CCDC178: variants seen among roughly 807,000 people sequenced by gnomAD.
The protein encoded by CCDC178 is coiled-coil domain-containing protein 178.
Under a neutral mutation model 117.4 loss-of-function variants are expected in CCDC178, and 126 were observed. That is an observed-to-expected ratio of 1.07 (90% CI 0.93 to 1.24). The LOEUF is 1.24. CCDC178 is among the 50% of genes most tolerant of loss of function. The pLI is 0.00. For missense variants in CCDC178, 1,030 were observed against 986.9 expected, an observed-to-expected ratio of 1.04 and a Z score of -0.59; for synonymous variants, 283 against 313.4, an observed-to-expected ratio of 0.90 and a Z score of 1.02.
chr18:33,134,154 T>G (rs1278123806), intron 20 of CCDC178, among the ~76,000 whole-genome samples: 1 of 151,974 alleles, frequency 6.6e-6, no homozygotes, highest in Non-Finnish European at 1.5e-5. Context: ...TATAATAATT[T>G]TAGGTCTCCA....
chr18:33,214,764 G>A (rs1157798705), intron 19 of CCDC178, among the ~76,000 whole-genome samples: 4 of 151,942 alleles, frequency 2.6e-5, no homozygotes, highest in African/African-American at 4.8e-5. Flanking sequence ...CTTGATGGGG[G>A]CATTGACTTG....
chr18:33,298,111 C>T (rs2062129545), intron 11 of CCDC178, among the ~76,000 whole-genome samples: 1 of 151,866 alleles, frequency 6.6e-6, no homozygotes, highest in Non-Finnish European at 1.5e-5. Flanking sequence ...AAGGAACTCT[C>T]CCTAACTCAT....
Position 33,127,636 on chromosome 18 carries a change from A to C in CCDC178, c.2239-34726T>G, listed in dbSNP as rs565913588. ...ATTTTAGTAGAGACGGGGTTTCACCATCTTGGCCAGGCTGGTCTTGAACTC... is the reference window on the plus strand; with the variant it reads ...ATTTTAGTAGAGACGGGGTTTCACCCTCTTGGCCAGGCTGGTCTTGAACTC... On this transcript the variant is annotated intron_variant, in intron 20 of 22. Transcript: ENST00000383096. Among the ~76,000 whole-genome samples, 189 of 152,004 alleles carry C rather than the reference A, an allele frequency of 1.2e-3. 1 individual carries two copies. The highest frequency in any genetic ancestry group is 4.2e-3 in the African/African-American group (175 of 41,470).
chr18:33,410,160 T>C (rs530701964), intron 3 of CCDC178, among the ~76,000 whole-genome samples: 3 of 152,314 alleles, frequency 2.0e-5, no homozygotes, highest in African/African-American at 7.2e-5. Context: ...TGTCAAGTCA[T>C]TCAAAGGAAA....
chr18:33,193,067 G>A (rs1186189714), intron 20 of CCDC178, among the ~76,000 whole-genome samples: 1 of 150,550 alleles, frequency 6.6e-6, no homozygotes, highest in Non-Finnish European at 1.5e-5. Context: ...AGACCATCTT[G>A]GCTTACACGG....
intron 2 of CCDC178, among the ~76,000 whole-genome samples, chr18:33,425,219 C>A (rs779470278): frequency 1.3e-5 from 2 of 152,066 alleles, no homozygotes; most frequent in African/African-American, 2.4e-5. Context: ...AGGCAGCAAA[C>A]AGGAAACAGA....
In CCDC178 at chr18:33,333,896, C is replaced by T. The variant is rs1266361929; in HGVS notation, c.659-502G>A. ...ATCAAAAGGATTAAAATATATGTTT[C>T]ATAAGATAATAGTTATTTTAGTACA... On this transcript the variant is annotated intron_variant, in intron 9 of 22. Transcript: ENST00000383096. Among the ~76,000 whole-genome samples the T allele has an allele frequency of 2.6e-5, 4 of 152,094 alleles. No homozygotes were observed. In the East Asian group the frequency reaches 7.7e-4, roughly 29 times the overall value.
At chr18:33,167,989 C>T (rs2144410018) in intron 20 of CCDC178, among the ~76,000 whole-genome samples, 1 of 151,742 alleles carries the variant, frequency 6.6e-6, no homozygotes, top group Non-Finnish European at 1.5e-5. Context: ...GATATTAGAC[C>T]TTTGTTGGAT....
At chr18:33,379,850 G>A (rs1174299371) in intron 5 of CCDC178, among the ~76,000 whole-genome samples, 1 of 152,168 alleles carries the variant, frequency 6.6e-6, no homozygotes, top group Non-Finnish European at 1.5e-5. Context: ...TATGTGCAGA[G>A]TAGTGAGAGC....
chr18:33,392,576 C>T (rs1453055133), intron 4 of CCDC178, among the ~76,000 whole-genome samples: 1 of 152,092 alleles, frequency 6.6e-6, no homozygotes, highest in Non-Finnish European at 1.5e-5. Flanking sequence ...TTGTGTAAGT[C>T]AGATACTGAC....
chr18:33,275,278 A>T (rs1461449280), intron 12 of CCDC178, among the ~76,000 whole-genome samples: 2 of 151,958 alleles, frequency 1.3e-5, no homozygotes, highest in South Asian at 4.1e-4. Context: ...ATATGTATAC[A>T]TATGTTTTAG....
chr18:33,243,905 TATATTG>T (rs1268594828), intron 15 of CCDC178, among the ~76,000 whole-genome samples: 1 of 151,920 alleles, frequency 6.6e-6, no homozygotes, highest in Non-Finnish European at 1.5e-5. Flanking sequence ...AATACAGAAA[TATATTG>T]ATATTATTTT....
At chr18:33,085,943 G>A (rs188909706) in intron 21 of CCDC178, among the ~76,000 whole-genome samples, 217 of 152,062 alleles carry the variant, frequency 1.4e-3, no homozygotes, top group African/African-American at 5.0e-3. Context: ...TTAAAAATGA[G>A]TTTTTCCAAA....
chr18:33,413,920 C>T (rs1186529670), intron 2 of CCDC178, among the ~76,000 whole-genome samples: 1 of 152,092 alleles, frequency 6.6e-6, no homozygotes, highest in African/African-American at 2.4e-5. Flanking sequence ...TAGACTGAAG[C>T]CCAGCCTCAA....
chr18:33,302,206 TC>T (rs2062185824), intron 11 of CCDC178, among the ~76,000 whole-genome samples: 1 of 152,182 alleles, frequency 6.6e-6, no homozygotes, highest in Admixed American at 6.5e-5. Flanking sequence ...ACTATGATTG[TC>T]AGCTTCCTGA....
chr18:33,263,788 G>A (rs954995744), intron 14 of CCDC178, among the ~76,000 whole-genome samples: 1 of 151,986 alleles, frequency 6.6e-6, no homozygotes, highest in Admixed American at 6.6e-5. Context: ...CATATCCAAG[G>A]ACACAAGTTG....
intron 21 of CCDC178, among the ~76,000 whole-genome samples, chr18:33,031,387 C>T (rs1231208501): frequency 6.6e-6 from 1 of 151,994 alleles, no homozygotes. Flanking sequence ...GCTAGGAATA[C>T]AGGTGCATAC....
intron 15 of CCDC178, 104 bp from the exon 16 acceptor site, chr18:33,226,959 T>C: frequency 2.4e-6 from 1 of 422,368 alleles, no homozygotes; most frequent in Non-Finnish European, 4.1e-6. Context: ...TGTTTCAATA[T>C]AGAGTAAAAT....
intron 11 of CCDC178, among the ~76,000 whole-genome samples, chr18:33,319,274 G>A (rs932577775): frequency 6.6e-5 from 10 of 152,100 alleles, no homozygotes; most frequent in African/African-American, 2.2e-4. Flanking sequence ...TCCCACCGAT[G>A]AGTGAGAACA....
Sources: allele counts gnomAD v4.1 joint callset (sites outside exome capture counted in the v4.1 genomes callset), GRCh38; gene constraint gnomAD v4.1.1; transcripts MANE v1.5; gene names NCBI Gene and HGNC (gene_info 2026-07-23, HGNC 2026-07-21).